Variants in LMTK2 observed in about 807,000 individuals in gnomAD.
LMTK2 encodes lemur tail kinase 2.
In LMTK2, 37 loss-of-function variants were observed where a neutral mutation model predicts 127.5. The observed-to-expected ratio is 0.29, with a 90% CI of 0.22 to 0.38. LMTK2 has a LOEUF of 0.38. Among genes scored for constraint, LMTK2 ranks in the 10% least tolerant of loss-of-function variants. The pLI, the probability that LMTK2 is intolerant of heterozygous loss-of-function variation, is 1.00. For synonymous variants in LMTK2, 819 were observed against 810.1 expected (o/e 1.01, Z -0.19); for missense variants, 1,694 against 1,920.3 (o/e 0.88, Z 2.20).
chr7:98,128,938 T>G (rs1796480967), intron 1 of LMTK2, among the ~76,000 whole-genome samples: 1 of 152,156 alleles, frequency 6.6e-6, no homozygotes, highest in Non-Finnish European at 1.5e-5. Flanking sequence ...TGGGAGTTCT[T>G]GGGGCCCTGG....
chr7:98,164,383 C>T (rs763793830), intron 6 of LMTK2, among the ~76,000 whole-genome samples: 6 of 152,300 alleles, frequency 3.9e-5, no homozygotes, highest in South Asian at 2.1e-4. Flanking sequence ...GAATAAGCCC[C>T]GCCCCTGACT....
At chr7:98,140,126 C>G (rs868695169) in intron 2 of LMTK2, among the ~76,000 whole-genome samples, 1,473 of 12,016 alleles carry the variant, frequency 0.12, 260 homozygotes, top group Middle Eastern at 0.42. Flanking sequence ...TTCTTTCTTT[C>G]TTTCTTTCTT....
intron 1 of LMTK2, among the ~76,000 whole-genome samples, chr7:98,116,243 T>A (rs1200509060): frequency 6.6e-6 from 1 of 152,188 alleles, no homozygotes; most frequent in Non-Finnish European, 1.5e-5. Context: ...AAGGACCGTG[T>A]CTTATATCCT....
At chr7:98,122,449 A>G (rs374864275) in intron 1 of LMTK2, among the ~76,000 whole-genome samples, 30 of 152,174 alleles carry the variant, frequency 2.0e-4, no homozygotes, top group East Asian at 9.6e-4. Flanking sequence ...TATCCTTTCA[A>G]GAGTCACGGA....
intron 3 of LMTK2, among the ~76,000 whole-genome samples, chr7:98,150,963 T>C (rs1368198351): frequency 1.3e-5 from 2 of 152,180 alleles, no homozygotes; most frequent in African/African-American, 2.4e-5. Context: ...TGTATCAAAG[T>C]GTATATTTTA....
At position 98,207,370 on chromosome 7, in the gene LMTK2, C is replaced by T. The variant is rs1440177440; in HGVS notation, c.*1878C>T. 1 of 152,192 alleles carries T rather than the reference C, an allele frequency of 6.6e-6. No homozygotes were observed. The highest frequency in any genetic ancestry group is 1.9e-4 in the East Asian group (1 of 5,190). 9.4% of individuals were successfully genotyped at this position (152,192 alleles called of 1,614,324 possible). On this transcript the variant is annotated 3_prime_UTR_variant, in exon 14 of 14. Transcript: ENST00000297293. ...ATTGCCAGTTCCACCCTACTCCTCT[C>T]ATTTTTTATACTAAGCAATAACTTT...
At chr7:98,174,429 T>C (rs1038458790) in intron 7 of LMTK2, among the ~76,000 whole-genome samples, 34 of 152,334 alleles carry the variant, frequency 2.2e-4, no homozygotes, top group African/African-American at 7.9e-4. Flanking sequence ...AAGTCGTGCA[T>C]GTGACTTTTG....
chr7:98,112,710 C>T (rs1309319212), intron 1 of LMTK2, among the ~76,000 whole-genome samples: 14 of 152,108 alleles, frequency 9.2e-5, no homozygotes, highest in Admixed American at 9.2e-4. Flanking sequence ...TTCGTGAACT[C>T]CCAAATCTAG....
In LMTK2 at chr7:98,192,345, G is replaced by A. The variant is rs759523617; in HGVS notation, c.1880G>A (p.Gly627Asp). The change falls in exon 11 of 14, where the codon GGC becomes GAC. Residue 627 changes from glycine to aspartate, a missense_variant. Transcript: ENST00000297293. ...SLPGDLHVTS[G>D]PESPFNNIFN... ...CCAGGGGACTTACACGTGACCAGTG[G>A]CCCCGAGAGCCCTTTCAACAATATA... The A allele has an allele frequency of 2.5e-6, 4 of 1,577,854 alleles. No homozygotes were observed. The East Asian group carries it at 6.7e-5, about 26-fold the overall frequency.
In LMTK2 at chr7:98,107,154, C is replaced by T. The variant is rs1204901063; in HGVS notation, c.-24C>T. The T allele has an allele frequency of 2.8e-6, 4 of 1,420,574 alleles. No homozygotes were observed. The highest frequency in any genetic ancestry group is 2.9e-5 in the South Asian group (2 of 69,392). 88.0% of individuals were successfully genotyped at this position (1,420,574 alleles called of 1,614,324 possible). A position where few individuals can be genotyped will look rare whatever the true frequency, so the allele number is the denominator to read the frequency against. ...GGACGGAAGGCGACTCGAGGGCCGG[C>T]CCCGGAGCCGCGCCGTGGGCGAGAT... On this transcript the variant is annotated 5_prime_UTR_variant, in exon 1 of 14. Transcript: ENST00000297293.
chr7:98,131,558 C>T (rs924937429), intron 1 of LMTK2, among the ~76,000 whole-genome samples: 19 of 151,906 alleles, frequency 1.3e-4, no homozygotes, highest in Non-Finnish European at 7.4e-5. Flanking sequence ...TTTTTGTTTG[C>T]TTGTTTTGGG....
chr7:98,196,654 C>T (rs778812941), intron 11 of LMTK2, among the ~76,000 whole-genome samples: 5 of 152,132 alleles, frequency 3.3e-5, no homozygotes, highest in Admixed American at 1.3e-4. Context: ...TCCCTGGGGC[C>T]GCAGAGTATG....
At chr7:98,143,376 C>T (rs1192352558) in intron 3 of LMTK2, among the ~76,000 whole-genome samples, 1 of 152,122 alleles carries the variant, frequency 6.6e-6, no homozygotes, top group Non-Finnish European at 1.5e-5. Context: ...TAGAAAAAGA[C>T]ACCACACACA....
chr7:98,176,778 C>T (rs374016328), intron 7 of LMTK2, among the ~76,000 whole-genome samples: 158 of 152,262 alleles, frequency 1.0e-3, no homozygotes, highest in African/African-American at 3.5e-3. Context: ...ACCCGGGAGG[C>T]AGAGGTTGCA....
chr7:98,110,821 G>C (rs1796192582), intron 1 of LMTK2, among the ~76,000 whole-genome samples: 1 of 152,206 alleles, frequency 6.6e-6, no homozygotes. Flanking sequence ...AGGACCTCAC[G>C]GAAGCCCGTG....
intron 7 of LMTK2, among the ~76,000 whole-genome samples, chr7:98,180,816 TCAC>T (rs1797343813): frequency 1.3e-5 from 2 of 152,178 alleles, no homozygotes; most frequent in South Asian, 4.1e-4. Flanking sequence ...TAAAAAAAAT[TCAC>T]CAATTTTGCT....
chr7:98,193,253 T>G lies in LMTK2; in HGVS notation c.2788T>G (p.Phe930Val), dbSNP rs1297915775. Residue 930 changes from phenylalanine (F) to valine (V), a missense_variant, in exon 11 of 14, where the codon TTT (phenylalanine) becomes GTT (valine). Phe to Val is a conservative substitution (Grantham distance 50). Around this residue, in one of 8 missense-constraint regions of LMTK2, gnomAD observed 527 missense variants for 539.8 expected, o/e 0.98. Transcript: ENST00000297293. The surrounding 1 kb of genome is among the most constrained non-coding windows in gnomAD (Gnocchi z 4.1). The stretch of plus-strand genomic sequence containing the variant: ...GGGACAGGAATTGCACAATAAACCA[T>G]TTTCGGAAGACCATCACAGTCATCG... ...ELGQELHNKP[F>V]SEDHHSHRRL... 3 of 1,613,662 alleles carry G rather than the reference T, an allele frequency of 1.9e-6. No individual in the cohort carries two copies. Among genetic ancestry groups the G allele is most frequent in the Non-Finnish European group, 2.5e-6 (3 of 1,180,020 alleles).
intron 1 of LMTK2, among the ~76,000 whole-genome samples, chr7:98,120,665 C>T (rs1383500952): frequency 6.6e-6 from 1 of 152,054 alleles, no homozygotes; most frequent in Non-Finnish European, 1.5e-5. Context: ...ATATCCTGTC[C>T]CCATTCTTTC....
intron 3 of LMTK2, among the ~76,000 whole-genome samples, chr7:98,144,554 T>G (rs1796742688): frequency 6.6e-6 from 1 of 152,174 alleles, no homozygotes; most frequent in Admixed American, 6.5e-5. Context: ...GTTCTGGTTT[T>G]TCATACACCT....
Sources: gnomAD v4.1 joint callset for allele counts (sites outside exome capture counted in the v4.1 genomes callset) on GRCh38, gnomAD v4.1.1 for gene constraint, gnomAD v4.1.1 regional missense constraint, Gnocchi (gnomAD v3.1) non-coding constraint, MANE v1.5 for transcripts, NCBI Gene and HGNC (gene_info 2026-07-23, HGNC 2026-07-21) for gene names.